Variants in GABRA4 observed in about 807,000 individuals in gnomAD.
GABRA4 encodes gamma-aminobutyric acid receptor subunit alpha-4.
GABRA4 carries 12 observed loss-of-function variants against 49.7 expected under a neutral mutation model. That is an observed-to-expected ratio of 0.24 (90% CI 0.15 to 0.39). The LOEUF (loss-of-function observed/expected upper bound fraction) is 0.39, where lower values mean the gene tolerates loss of function less well. GABRA4 is among the 10% of genes least tolerant of loss of function. The probability of loss-of-function intolerance (pLI) is 1.00; values close to 1 mark genes in which losing one functional copy is unlikely to be tolerated. For synonymous variants in GABRA4, 288 were observed against 240.2 expected, an observed-to-expected ratio of 1.20 and a Z score of -1.84; for missense variants, 506 against 686.0, an observed-to-expected ratio of 0.74 and a Z score of 2.93.
intron 8 of GABRA4, among the ~76,000 whole-genome samples, chr4:46,930,051 T>C (rs1458544827): frequency 1.3e-5 from 2 of 152,130 alleles, no homozygotes; most frequent in Non-Finnish European, 2.9e-5. Context: ...GTTCAATTCA[T>C]ATCTCATAAA....
chr4:46,966,733 C>T (rs923190956), intron 7 of GABRA4, among the ~76,000 whole-genome samples: 10 of 151,718 alleles, frequency 6.6e-5, no homozygotes, highest in African/African-American at 2.2e-4. Context: ...ATTGGAGCAA[C>T]TGTGCAACAC....
intron 8 of GABRA4, among the ~76,000 whole-genome samples, chr4:46,939,018 T>C (rs1184861454): frequency 6.6e-6 from 1 of 152,048 alleles, no homozygotes; most frequent in Non-Finnish European, 1.5e-5. Flanking sequence ...AACCTCTTTG[T>C]GGAAGTAATA....
intron 8 of GABRA4, among the ~76,000 whole-genome samples, chr4:46,960,701 G>A (rs1722545017): frequency 6.6e-6 from 1 of 151,304 alleles, no homozygotes; most frequent in African/African-American, 2.4e-5. Context: ...CATATCTAAA[G>A]GTATGAATTA....
In GABRA4 at chr4:46,965,049, T is replaced by C. The variant is rs763522598; in HGVS notation, c.1055A>G (p.Lys352Arg). 1.2e-6 allele frequency: 2 copies of C among 1,612,118 alleles called. No homozygotes were observed. Among genetic ancestry groups the C allele is most frequent in the Non-Finnish European group, 1.7e-6 (2 of 1,178,820 alleles). ...YFTNIQMEKA[K>R]RKTSKPPQEV... ...CTGAGGGGGCTTTGATGTCTTCCTT[T>C]TGGCTTTTTCCATTTGAATATTGGT... The change falls in exon 8 of 9, where the codon AAA (lysine) becomes AGA (arginine). Residue 352 changes from lysine (K) to arginine (R), a missense_variant. Physicochemically the swap from Lys to Arg is conservative, Grantham distance 26. Coordinates refer to ENST00000264318, the MANE Select transcript of GABRA4 (RefSeq NM_000809.4).
intron 6 of GABRA4, among the ~76,000 whole-genome samples, chr4:46,973,346 T>G (rs1314021127): frequency 6.6e-6 from 1 of 151,640 alleles, no homozygotes; most frequent in Non-Finnish European, 1.5e-5. Flanking sequence ...GAGGCCCCAG[T>G]GTGAGCACCC....
At chr4:46,977,769 T>A in intron 3 of GABRA4, 139 bp from the exon 4 acceptor site, 1 of 544,572 alleles carries the variant, frequency 1.8e-6, no homozygotes, top group Non-Finnish European at 3.1e-6. Flanking sequence ...GCAGGAATGA[T>A]CTTGAATCAA....
chr4:46,955,196 C>T (rs1173577501), intron 8 of GABRA4, among the ~76,000 whole-genome samples: 2 of 151,886 alleles, frequency 1.3e-5, no homozygotes, highest in African/African-American at 4.8e-5. Context: ...ATGTTTATAC[C>T]ACATAACACA....
At chr4:46,980,710 G>A (rs979813526) in intron 2 of GABRA4, among the ~76,000 whole-genome samples, 16 of 152,030 alleles carry the variant, frequency 1.1e-4, no homozygotes, top group African/African-American at 3.9e-4. Flanking sequence ...AAACATGATA[G>A]TAATAAGCTC....
intron 2 of GABRA4, among the ~76,000 whole-genome samples, chr4:46,989,515 G>T (rs1414403239): frequency 6.6e-6 from 1 of 152,178 alleles, no homozygotes; most frequent in African/African-American, 2.4e-5. Context: ...ATGGGAGAAT[G>T]TAGGAGACAA....
At position 46,921,618 on chromosome 4, in the gene GABRA4, G is replaced by A. The variant is rs1327210149; in HGVS notation, c.*6607C>T. 1.3e-5 allele frequency: 2 copies of A among 151,990 alleles called. No individual in the cohort carries two copies. The highest frequency in any genetic ancestry group is 4.8e-5 in the African/African-American group (2 of 41,406). 9.4% of individuals were successfully genotyped at this position (151,990 alleles called of 1,614,324 possible). On this transcript the variant is annotated 3_prime_UTR_variant, in exon 9 of 9. Coordinates refer to ENST00000264318, the MANE Select transcript of GABRA4 (RefSeq NM_000809.4). Reference sequence around the variant, plus strand: ...TTCCAGTGACATCTGATATACAGAAGGTAAAAGCCATGTAGCTCTGGTGGT... The same window carrying A: ...TTCCAGTGACATCTGATATACAGAAAGTAAAAGCCATGTAGCTCTGGTGGT...
In GABRA4 at chr4:46,967,972, C is replaced by A. The variant is rs571843289; in HGVS notation, c.875-2743G>T. ...AATTAGAAAACTTAGAGGCATACAG[C>A]TTTGGAGATAGAAGGCCTTTGGAGA... is the stretch of plus-strand genomic sequence containing the variant. On this transcript the variant is annotated intron_variant, in intron 7 of 8. Coordinates refer to ENST00000264318, the MANE Select transcript of GABRA4 (RefSeq NM_000809.4). 2.0e-5 allele frequency among the ~76,000 whole-genome samples: 3 copies of A among 151,572 alleles called. No individual in the cohort carries two copies. The South Asian group carries it at 6.2e-4, about 31-fold the overall frequency.
intron 8 of GABRA4, among the ~76,000 whole-genome samples, chr4:46,960,149 G>T (rs1722520637): frequency 6.6e-6 from 1 of 151,258 alleles, no homozygotes; most frequent in Non-Finnish European, 1.5e-5. Flanking sequence ...ACTAAAATCA[G>T]ATCAAATAGA....
chr4:46,975,586 G>C (rs1429285261), intron 5 of GABRA4, among the ~76,000 whole-genome samples: 2 of 151,760 alleles, frequency 1.3e-5, no homozygotes, highest in Non-Finnish European at 2.9e-5. Context: ...GCTGAGTATG[G>C]TGTGCCTCTC....
chr4:46,974,487 T>C lies in GABRA4; in HGVS notation c.578-112A>G, dbSNP rs1170633937. 1.5e-5 allele frequency: 15 copies of C among 1,029,896 alleles called. No homozygotes were observed. In the Admixed American group the frequency reaches 3.7e-4, roughly 26 times the overall value. 63.8% of individuals were successfully genotyped at this position (1,029,896 alleles called of 1,614,324 possible). A position where few individuals can be genotyped will look rare whatever the true frequency, so the allele number is the denominator to read the frequency against. On this transcript the variant is annotated intron_variant, in intron 5 of 8. Coordinates refer to ENST00000264318, the MANE Select transcript of GABRA4 (RefSeq NM_000809.4). ...AGAAAGATGGAATAAATGAAAACAA[T>C]GTTCACTATAATTTAGTCACTATAA... is the stretch of plus-strand genomic sequence containing the variant.
chr4:46,922,196 A>G lies in GABRA4; in HGVS notation c.*6029T>C, dbSNP rs1322117783. 1.3e-5 allele frequency: 2 copies of G among 152,194 alleles called. No individual in the cohort carries two copies. The highest frequency in any genetic ancestry group is 4.8e-5 in the African/African-American group (2 of 41,454). The allele number at this position is 152,194 out of a possible 1,614,324, so 9.4% of individuals were successfully genotyped here. On this transcript the variant is annotated 3_prime_UTR_variant, in exon 9 of 9. Coordinates refer to ENST00000264318, the MANE Select transcript of GABRA4 (RefSeq NM_000809.4). ...GGACTACAAGCAATAATCACTAGCA[A>G]TAACATAAAGAAAGTAAAACAGAGA...
intron 2 of GABRA4, among the ~76,000 whole-genome samples, chr4:46,987,515 C>A (rs1277806220): frequency 1.3e-5 from 2 of 152,010 alleles, no homozygotes; most frequent in Admixed American, 6.6e-5. Context: ...TCGTGCAGTC[C>A]TCCCCAGCTT....
chr4:46,968,615 A>G (rs998052521), intron 7 of GABRA4, among the ~76,000 whole-genome samples: 1 of 151,660 alleles, frequency 6.6e-6, no homozygotes, highest in African/African-American at 2.4e-5. Context: ...TTGCTGAGTA[A>G]TTATTAAGGT....
rs570378294 is a variant in GABRA4 at position 46,967,067 on chromosome 4, C to T, written c.875-1838G>A. Among the ~76,000 whole-genome samples, 44 of 151,662 alleles carry T rather than the reference C, an allele frequency of 2.9e-4. No individual in the cohort carries two copies. The South Asian group carries it at 7.9e-3, about 27-fold the overall frequency. On this transcript the variant is annotated intron_variant, in intron 7 of 8. Coordinates refer to ENST00000264318, the MANE Select transcript of GABRA4 (RefSeq NM_000809.4). The stretch of plus-strand genomic sequence containing the variant: ...TAAAATAACTGAAAATTTTTAGCTA[C>T]GTTTGACAATAGATGAAAATGTTTT...
At chr4:46,950,242 C>T (rs1185209461) in intron 8 of GABRA4, among the ~76,000 whole-genome samples, 1 of 152,008 alleles carries the variant, frequency 6.6e-6, no homozygotes, top group Non-Finnish European at 1.5e-5. Context: ...AACAAGCTAA[C>T]AAAACGATCC....
Sources: gnomAD v4.1 joint callset for allele counts (sites outside exome capture counted in the v4.1 genomes callset) on GRCh38, gnomAD v4.1.1 for gene constraint, MANE v1.5 for transcripts, NCBI Gene and HGNC (gene_info 2026-07-23, HGNC 2026-07-21) for gene names.